Variants in SPON1 observed in about 807,000 individuals in gnomAD.
SPON1 encodes spondin-1.
A neutral mutation model predicts 111.7 loss-of-function variants in SPON1; 52 were observed. The ratio of observed to expected loss-of-function variants is 0.47; its 90% CI spans 0.37 to 0.59. The LOEUF is 0.59. Among genes scored for constraint, SPON1 ranks in the 20% least tolerant of loss-of-function variants. The pLI is 0.00. For synonymous variants in SPON1, 410 were observed against 395.8 expected (o/e 1.04, Z -0.43); for missense variants, 957 against 1,068.5 (o/e 0.90, Z 1.46).
chr11:14,229,474 C>T (rs992556152), intron 6 of SPON1, among the ~76,000 whole-genome samples: 1 of 152,118 alleles, frequency 6.6e-6, no homozygotes, highest in Admixed American at 6.5e-5. Context: ...AGTGAGAGGT[C>T]GCACTGACAG....
At chr11:14,195,838 T>C (rs1432502517) in intron 6 of SPON1, among the ~76,000 whole-genome samples, 1 of 152,182 alleles carries the variant, frequency 6.6e-6, no homozygotes, top group East Asian at 1.9e-4. Flanking sequence ...TTGTCATGAT[T>C]AGCTATGTAC....
intron 2 of SPON1, among the ~76,000 whole-genome samples, chr11:13,985,730 T>C (rs1461069580): frequency 2.0e-5 from 3 of 152,200 alleles, no homozygotes; most frequent in African/African-American, 7.2e-5. Flanking sequence ...ATTTTTCAGA[T>C]GATGAAACTG....
chr11:14,006,825 C>A (rs1379725816), intron 2 of SPON1, among the ~76,000 whole-genome samples: 1 of 152,214 alleles, frequency 6.6e-6, no homozygotes, highest in East Asian at 1.9e-4. Context: ...CATTTCAGTG[C>A]AGATTGGCCA....
chr11:14,058,231 G>A (rs1033037764), intron 3 of SPON1, among the ~76,000 whole-genome samples: 3 of 152,064 alleles, frequency 2.0e-5, no homozygotes, highest in African/African-American at 7.2e-5. Context: ...GAGTTGGTTC[G>A]TTCAGTGATC....
chr11:14,135,287 G>C lies in SPON1; in HGVS notation c.677-133G>C. On this transcript the variant is annotated intron_variant, in intron 5 of 15. Coordinates refer to ENST00000576479, the MANE Select transcript of SPON1 (RefSeq NM_006108.4). The surrounding 1 kb of genome is among the most constrained non-coding windows in gnomAD (Gnocchi z 4.4). Reference sequence around the variant, plus strand: ...TCAGTCTTATCACTGAATGGCACAGGGCCTAAGACAGAATAGGTGCTTAGT... The same window carrying C: ...TCAGTCTTATCACTGAATGGCACAGCGCCTAAGACAGAATAGGTGCTTAGT... 1.0e-6 allele frequency: 1 copy of C among 976,946 alleles called. No individual in the cohort carries two copies. The highest frequency in any genetic ancestry group is 1.5e-6 in the Non-Finnish European group (1 of 665,918). The allele number at this position is 976,946 out of a possible 1,614,324, so 60.5% of individuals were successfully genotyped here.
chr11:13,993,548 G>C (rs1334904387), intron 2 of SPON1, among the ~76,000 whole-genome samples: 1 of 152,126 alleles, frequency 6.6e-6, no homozygotes, highest in Non-Finnish European at 1.5e-5. Context: ...TCCCTTTCCA[G>C]GGAGCCCTGC....
At chr11:14,235,595 G>A (rs1273147013) in intron 6 of SPON1, among the ~76,000 whole-genome samples, 4 of 147,764 alleles carry the variant, frequency 2.7e-5, no homozygotes, top group African/African-American at 1.0e-4. Context: ...TAGAAGGATG[G>A]CTTGAGCCCA....
At chr11:14,079,763 G>C (rs1430482217) in intron 4 of SPON1, 136 bp from the exon 5 acceptor site, 2 of 858,928 alleles carry the variant, frequency 2.3e-6, no homozygotes, top group African/African-American at 3.4e-5. Flanking sequence ...TACTGATCTG[G>C]CTCTAAGTCT....
intron 5 of SPON1, among the ~76,000 whole-genome samples, chr11:14,129,695 T>C (rs1847504500): frequency 6.6e-6 from 1 of 152,178 alleles, no homozygotes; most frequent in Non-Finnish European, 1.5e-5. Context: ...CCACTTTGGG[T>C]ACCAATTTTC....
intron 2 of SPON1, among the ~76,000 whole-genome samples, chr11:14,038,119 T>G (rs1554916880): frequency 6.7e-6 from 1 of 150,272 alleles, no homozygotes; most frequent in African/African-American, 2.4e-5. Flanking sequence ...TGAGCCGAGA[T>G]CGTGCCACTG....
intron 15 of SPON1, among the ~76,000 whole-genome samples, 200 bp from the exon 16 acceptor site, chr11:14,265,324 A>C (rs1415100486): frequency 1.3e-5 from 2 of 152,190 alleles, no homozygotes; most frequent in African/African-American, 4.8e-5. Flanking sequence ...TTTGATGAGA[A>C]GAACCGTGAA....
chr11:14,200,075 A>G (rs1848445597), intron 6 of SPON1, among the ~76,000 whole-genome samples: 1 of 151,586 alleles, frequency 6.6e-6, no homozygotes, highest in South Asian at 2.1e-4. Flanking sequence ...CTAACCCTCC[A>G]AGACACAACT....
Position 14,214,990 on chromosome 11 carries a change from C to T in SPON1, c.826-28342C>T, listed in dbSNP as rs139632501. ...TAATTCCAAGGTTAGTAGAGTGGCT[C>T]ATTCATGTCATCAGGGACTAAGACA... On this transcript the variant is annotated intron_variant, in intron 6 of 15. Coordinates refer to ENST00000576479, the MANE Select transcript of SPON1 (RefSeq NM_006108.4). Among the ~76,000 whole-genome samples, 442 of 152,288 alleles carry T rather than the reference C, an allele frequency of 2.9e-3. 2 individuals are homozygous for T. Among genetic ancestry groups the T allele is most frequent in the Middle Eastern group, 6.8e-3 (2 of 294 alleles).
In SPON1 at chr11:14,255,660, C is replaced by G; in HGVS notation, c.1106C>G (p.Pro369Arg). 1 of 1,613,776 alleles carries G rather than the reference C, an allele frequency of 6.2e-7. No individual in the cohort carries two copies. Among genetic ancestry groups the G allele is most frequent in the South Asian group, 1.1e-5 (1 of 91,040 alleles). Residue 369 changes from proline (P) to arginine (R), a missense_variant, in exon 9 of 16, where the codon CCC becomes CGC. By Grantham distance (103) the Pro-to-Arg change is moderately radical. Around this residue, in one of 5 missense-constraint regions of SPON1, gnomAD observed 549 missense variants for 606.2 expected, o/e 0.91. Coordinates refer to ENST00000576479, the MANE Select transcript of SPON1 (RefSeq NM_006108.4). ...SGVTYESPNK[P>R]TIPQEKIRPL... ...GTTTTCTTGCAGTCACCCAACAAACCCACCATTCCCCAGGAGAAAATCCGG... is the reference window on the plus strand; with the variant it reads ...GTTTTCTTGCAGTCACCCAACAAACGCACCATTCCCCAGGAGAAAATCCGG...
intron 3 of SPON1, among the ~76,000 whole-genome samples, chr11:14,050,399 A>G (rs1175848248): frequency 5.3e-5 from 8 of 152,168 alleles, no homozygotes; most frequent in African/African-American, 1.9e-4. Context: ...CAGTTACGTT[A>G]ATTCATTTGT....
intron 2 of SPON1, among the ~76,000 whole-genome samples, chr11:13,985,285 G>A (rs1554910182): frequency 6.6e-6 from 1 of 152,210 alleles, no homozygotes; most frequent in African/African-American, 2.4e-5. Flanking sequence ...ATCAAAGTGG[G>A]ATAAGAATAT....
intron 6 of SPON1, among the ~76,000 whole-genome samples, chr11:14,230,733 T>TTTTCG (rs1564936254): frequency 1.3e-5 from 2 of 151,384 alleles, no homozygotes; most frequent in Non-Finnish European, 2.9e-5. Context: ...CGACCTTTTC[T>TTTTCG]TTTTACTTTC....
At position 14,197,026 on chromosome 11, in the gene SPON1, G is replaced by A. The variant is rs782754323; in HGVS notation, c.826-46306G>A. Among the ~76,000 whole-genome samples the A allele has an allele frequency of 1.3e-4, 20 of 152,086 alleles. 1 individual carries two copies. The highest frequency in any genetic ancestry group is 2.6e-4 in the Non-Finnish European group (18 of 68,006). On this transcript the variant is annotated intron_variant, in intron 6 of 15. Coordinates refer to ENST00000576479, the MANE Select transcript of SPON1 (RefSeq NM_006108.4). ...GATGGCACCACTGCACTCTAATCTG[G>A]GTGACAGAGTGAGGCTCTGTCTCAA... is the stretch of plus-strand genomic sequence containing the variant.
chr11:14,047,132 TTAAAA>T (rs1308343749), intron 3 of SPON1, among the ~76,000 whole-genome samples: 1 of 152,186 alleles, frequency 6.6e-6, no homozygotes, highest in Non-Finnish European at 1.5e-5. Context: ...TGATCATATC[TTAAAA>T]TAATGAATAT....
Sources: gnomAD v4.1 joint callset for allele counts (sites outside exome capture counted in the v4.1 genomes callset) on GRCh38, gnomAD v4.1.1 for gene constraint, gnomAD v4.1.1 regional missense constraint, Gnocchi (gnomAD v3.1) non-coding constraint, MANE v1.5 for transcripts, NCBI Gene and HGNC (gene_info 2026-07-23, HGNC 2026-07-21) for gene names.